The following EYS variants were observed in gnomAD, a reference collection of about 807,000 sequenced individuals.
The protein encoded by EYS is protein eyes shut homolog.
Under a neutral mutation model 282.1 loss-of-function variants are expected in EYS, and 250 were observed. The ratio of observed to expected loss-of-function variants is 0.89; its 90% CI spans 0.80 to 0.98. The LOEUF is 0.98. Ranked by LOEUF, EYS falls within the 50% of genes least tolerant of loss-of-function variation. The pLI, the probability that EYS is intolerant of heterozygous loss-of-function variation, is 0.00. For synonymous variants in EYS, 1,355 were observed against 1,282.9 expected (o/e 1.06, Z -1.20); for missense variants, 4,016 against 3,709.0 (o/e 1.08, Z -2.15).
At chr6:65,685,814 C>A (rs923210122) in intron 1 of EYS, among the ~76,000 whole-genome samples, 1 of 151,968 alleles carries the variant, frequency 6.6e-6, no homozygotes, top group South Asian at 2.1e-4. Flanking sequence ...CTAGAAGGTA[C>A]AACAATGTTG....
At chr6:64,184,045 C>T (rs974312150) in intron 31 of EYS, among the ~76,000 whole-genome samples, 6 of 152,018 alleles carry the variant, frequency 3.9e-5, no homozygotes, top group South Asian at 2.1e-4. Context: ...TGACCCTGAG[C>T]GCCTCATTTA....
chr6:64,835,402 A>T (rs944525812), intron 19 of EYS, among the ~76,000 whole-genome samples: 1 of 151,700 alleles, frequency 6.6e-6, no homozygotes, highest in Non-Finnish European at 1.5e-5. Flanking sequence ...GTGTGTCTGC[A>T]TATGTGTGTG....
chr6:63,997,679 A>T (rs949341106), intron 34 of EYS, among the ~76,000 whole-genome samples: 1 of 152,202 alleles, frequency 6.6e-6, no homozygotes, highest in African/African-American at 2.4e-5. Context: ...TCATTTCGTC[A>T]GCCTAAAGGG....
intron 26 of EYS, among the ~76,000 whole-genome samples, chr6:64,455,385 G>A (rs1321452419): frequency 6.6e-6 from 1 of 151,922 alleles, no homozygotes; most frequent in Non-Finnish European, 1.5e-5. Flanking sequence ...TTTCATGTAA[G>A]ACTTTTAAGC....
intron 22 of EYS, among the ~76,000 whole-genome samples, chr6:64,659,394 A>G (rs1165745735): frequency 6.6e-6 from 1 of 152,162 alleles, no homozygotes; most frequent in Non-Finnish European, 1.5e-5. Flanking sequence ...TCAGAGCAGA[A>G]CTGAAGGAAA....
At chr6:64,597,888 A>G (rs1216523388) in intron 24 of EYS, among the ~76,000 whole-genome samples, 1 of 152,182 alleles carries the variant, frequency 6.6e-6, no homozygotes, top group African/African-American at 2.4e-5. Context: ...GCTAAAAGAG[A>G]ATTTTAATGT....
intron 5 of EYS, among the ~76,000 whole-genome samples, chr6:65,437,897 T>C (rs1018183122): frequency 1.3e-5 from 2 of 152,178 alleles, no homozygotes; most frequent in African/African-American, 2.4e-5. Flanking sequence ...AGGGTACATA[T>C]GCACAACGTG....
At chr6:64,815,905 A>G (rs1013651780) in intron 21 of EYS, among the ~76,000 whole-genome samples, 2 of 152,070 alleles carry the variant, frequency 1.3e-5, no homozygotes, top group Non-Finnish European at 2.9e-5. Context: ...GGCAAAGTAC[A>G]TACTGGGCTA....
In EYS at chr6:64,798,244, T is replaced by C. The variant is rs373606199; in HGVS notation, c.3443+15134A>G. 5.0e-4 allele frequency among the ~76,000 whole-genome samples: 76 copies of C among 151,950 alleles called. No homozygotes were observed. The South Asian group carries it at 0.016, about 31-fold the overall frequency. ...TATTCTAAAATTACATACTCATATC[T>C]CCCTCAAGATTTTCAAGGTTCCTTA... On this transcript the variant is annotated intron_variant, in intron 22 of 42. Coordinates refer to ENST00000503581, the MANE Select transcript of EYS (RefSeq NM_001142800.2).
intron 8 of EYS, among the ~76,000 whole-genome samples, chr6:65,359,118 A>G (rs1314968084): frequency 1.3e-5 from 2 of 152,076 alleles, no homozygotes; most frequent in Non-Finnish European, 2.9e-5. Context: ...AATTCTGGTA[A>G]GCAAACAGTG....
At chr6:64,748,108 C>A (rs1772615157) in intron 22 of EYS, among the ~76,000 whole-genome samples, 1 of 152,082 alleles carries the variant, frequency 6.6e-6, no homozygotes, top group Non-Finnish European at 1.5e-5. Context: ...ATTGGATTAG[C>A]AGTGAAATTG....
chr6:64,133,889 C>T (rs1190293983), intron 31 of EYS, among the ~76,000 whole-genome samples: 4 of 151,668 alleles, frequency 2.6e-5, no homozygotes, highest in Admixed American at 2.6e-4. Flanking sequence ...TAAGTATCCC[C>T]TAAAGGATGA....
chr6:64,106,132 T>A (rs1773000847), intron 31 of EYS, among the ~76,000 whole-genome samples: 1 of 152,162 alleles, frequency 6.6e-6, no homozygotes. Flanking sequence ...CTCCTATTTT[T>A]GTCTTCTACA....
At chr6:65,152,667 C>G (rs1764640496) in intron 12 of EYS, among the ~76,000 whole-genome samples, 1 of 151,956 alleles carries the variant, frequency 6.6e-6, no homozygotes, top group African/African-American at 2.4e-5. Context: ...GTTATAGCAA[C>G]CCTAGCAAAC....
chr6:65,562,769 G>C (rs1769117915), intron 2 of EYS, among the ~76,000 whole-genome samples: 1 of 152,030 alleles, frequency 6.6e-6, no homozygotes, highest in South Asian at 2.1e-4. Flanking sequence ...ATAGTCTGTT[G>C]TAAAAGTTTC....
At chr6:64,349,713 G>A in intron 29 of EYS, among the ~76,000 whole-genome samples, 1 of 151,350 alleles carries the variant, frequency 6.6e-6, no homozygotes, top group East Asian at 2.0e-4. Context: ...AACTCCTCAA[G>A]AAAACTTAAA....
intron 8 of EYS, among the ~76,000 whole-genome samples, chr6:65,372,661 C>T (rs1765204797): frequency 6.6e-6 from 1 of 151,680 alleles, no homozygotes; most frequent in South Asian, 2.1e-4. Context: ...ATCATTGAGG[C>T]CATTTATATT....
At chr6:64,559,463 GC>G (rs758761765) in intron 26 of EYS, among the ~76,000 whole-genome samples, 22 of 151,976 alleles carry the variant, frequency 1.4e-4, no homozygotes, top group Non-Finnish European at 2.8e-4. Flanking sequence ...ATTTCTTGTT[GC>G]AATGTCAATT....
In EYS at chr6:63,886,142, A is replaced by C. The variant is rs142499140; in HGVS notation, c.7056-21784T>G. 5.4e-3 allele frequency among the ~76,000 whole-genome samples: 819 copies of C among 152,296 alleles called. 10 individuals carry two copies. Among genetic ancestry groups the C allele is most frequent in the Admixed American group, 6.0e-3 (92 of 15,302 alleles). Reference sequence around the variant, plus strand: ...TGCTTTGATTTTACAATGTCTAAATAATTTGTAAATTTTATGTTGAGCAAA... The same window carrying C: ...TGCTTTGATTTTACAATGTCTAAATCATTTGTAAATTTTATGTTGAGCAAA... On this transcript the variant is annotated intron_variant, in intron 35 of 42. Transcript: ENST00000503581.
Sources: allele counts gnomAD v4.1 joint callset (sites outside exome capture counted in the v4.1 genomes callset), GRCh38; gene constraint gnomAD v4.1.1; transcripts MANE v1.5; gene names NCBI Gene and HGNC (gene_info 2026-07-23, HGNC 2026-07-21).